DNAJC1: variants seen among roughly 807,000 people sequenced by gnomAD.
The protein encoded by DNAJC1 is DnaJ heat shock protein family (Hsp40) member C1.
DNAJC1 carries 58 observed loss-of-function variants against 76.6 expected under a neutral mutation model. The ratio of observed to expected loss-of-function variants is 0.76; its 90% CI spans 0.61 to 0.94. DNAJC1 has a LOEUF of 0.94. DNAJC1 is among the 40% of genes least tolerant of loss of function. The probability of loss-of-function intolerance (pLI) is 0.00; values close to 1 mark genes in which losing one functional copy is unlikely to be tolerated. For synonymous variants in DNAJC1, 258 were observed against 267.9 expected, an observed-to-expected ratio of 0.96 and a Z score of 0.36; for missense variants, 689 against 677.3, an observed-to-expected ratio of 1.02 and a Z score of -0.19.
chr10:21,900,369 A>T (rs1055839990), intron 7 of DNAJC1, among the ~76,000 whole-genome samples: 3 of 151,958 alleles, frequency 2.0e-5, no homozygotes, highest in Non-Finnish European at 4.4e-5. Flanking sequence ...AGAAAAAAAA[A>T]GATAAAGAAA....
intron 8 of DNAJC1, among the ~76,000 whole-genome samples, chr10:21,818,214 C>G (rs1835105144): frequency 6.6e-6 from 1 of 152,106 alleles, no homozygotes; most frequent in Non-Finnish European, 1.5e-5. Context: ...CTAAAATGGC[C>G]CCCTTAGGTG....
intron 7 of DNAJC1, among the ~76,000 whole-genome samples, chr10:21,897,274 T>C (rs965237694): frequency 2.0e-5 from 3 of 152,156 alleles, no homozygotes; most frequent in African/African-American, 7.2e-5. Flanking sequence ...CAAGTATGCA[T>C]AGCTGGTTCA....
intron 9 of DNAJC1, among the ~76,000 whole-genome samples, chr10:21,769,543 T>G (rs963728209): frequency 1.3e-5 from 2 of 152,200 alleles, no homozygotes; most frequent in Admixed American, 1.3e-4. Flanking sequence ...ATCCAAATCT[T>G]TCATTTTATA....
chr10:21,857,215 G>C (rs1342914308), intron 8 of DNAJC1, among the ~76,000 whole-genome samples: 2 of 152,050 alleles, frequency 1.3e-5, no homozygotes, highest in Admixed American at 1.3e-4. Context: ...AAATGAAGAG[G>C]GTTTGGCATA....
In DNAJC1 at chr10:22,003,315, G is replaced by A. The variant is rs1838556781; in HGVS notation, c.120C>T (p.Ala40=). The change falls in exon 1 of 12, where the codon GCC becomes GCT. Residue 40 remains alanine (A), a synonymous_variant. Coordinates refer to ENST00000376980, the MANE Select transcript of DNAJC1 (RefSeq NM_022365.4). ...PLLWLLLLLL[A]AVAPARGWES... ...CCCAGCCGCGCGCCGGCGCCACGGC[G>A]GCCAGCAGCAGCAGCAGCAGCCACA... The A allele has an allele frequency of 2.0e-6, 3 of 1,523,322 alleles. No homozygotes were observed. In the East Asian group the frequency reaches 8.1e-5, roughly 41 times the overall value. The allele number at this position is 1,523,322 out of a possible 1,614,324, so 94.4% of individuals were successfully genotyped here. A position where few individuals can be genotyped will look rare whatever the true frequency, so the allele number is the denominator to read the frequency against.
intron 8 of DNAJC1, among the ~76,000 whole-genome samples, chr10:21,827,918 C>A (rs146278467): frequency 2.0e-5 from 3 of 152,170 alleles, no homozygotes; most frequent in East Asian, 1.9e-4. Flanking sequence ...TTAAATAATT[C>A]TTTGCTTATA....
At chr10:21,790,010 T>TAAAAAAAAAAAAAAAA (rs35639440) in intron 9 of DNAJC1, among the ~76,000 whole-genome samples, 34 of 41,094 alleles carry the variant, frequency 8.3e-4, no homozygotes, top group African/African-American at 1.2e-3. Context: ...GCTCTGTCTT[T>TAAAAAAAAAAAAAAAA]AAAAAAAAAA....
chr10:21,888,368 A>G (rs1836402136), intron 7 of DNAJC1, among the ~76,000 whole-genome samples: 1 of 152,214 alleles, frequency 6.6e-6, no homozygotes, highest in Non-Finnish European at 1.5e-5. Context: ...TATTTAACCT[A>G]GCAATACCAT....
chr10:21,824,033 T>C (rs1835202362), intron 8 of DNAJC1, among the ~76,000 whole-genome samples: 1 of 152,218 alleles, frequency 6.6e-6, no homozygotes, highest in South Asian at 2.1e-4. Flanking sequence ...TAGCATACAC[T>C]GCCTGACACA....
At chr10:21,823,999 T>C (rs1214764593) in intron 8 of DNAJC1, among the ~76,000 whole-genome samples, 2 of 152,146 alleles carry the variant, frequency 1.3e-5, no homozygotes, top group Non-Finnish European at 2.9e-5. Context: ...GGTAAAAACA[T>C]ATGGACAAAT....
chr10:21,941,196 T>C (rs1837404473), intron 1 of DNAJC1, among the ~76,000 whole-genome samples: 1 of 133,790 alleles, frequency 7.5e-6, no homozygotes, highest in African/African-American at 2.9e-5. Context: ...GGGAACCCGG[T>C]AGGCAGAGCT....
chr10:21,850,087 C>T (rs1488415073), intron 8 of DNAJC1, among the ~76,000 whole-genome samples: 2 of 152,160 alleles, frequency 1.3e-5, no homozygotes, highest in African/African-American at 4.8e-5. Flanking sequence ...TTAGCCACTT[C>T]TGTTTAAACA....
chr10:21,779,806 G>A (rs1042262532), intron 9 of DNAJC1, among the ~76,000 whole-genome samples: 1 of 152,142 alleles, frequency 6.6e-6, no homozygotes, highest in Non-Finnish European at 1.5e-5. Context: ...CAAGCTAAAG[G>A]AGGATGTTCG....
At chr10:21,827,424 C>T (rs932158209) in intron 8 of DNAJC1, among the ~76,000 whole-genome samples, 2 of 152,140 alleles carry the variant, frequency 1.3e-5, no homozygotes, top group Non-Finnish European at 2.9e-5. Flanking sequence ...AAAAATACCA[C>T]AAATTAAGTG....
intron 8 of DNAJC1, among the ~76,000 whole-genome samples, chr10:21,844,261 T>A (rs559875669): frequency 1.4e-5 from 2 of 147,698 alleles, no homozygotes; most frequent in Non-Finnish European, 2.9e-5. Flanking sequence ...CCACCACACC[T>A]GGCTAATTTT....
At chr10:21,806,967 A>G (rs983852730) in intron 8 of DNAJC1, among the ~76,000 whole-genome samples, 1 of 152,202 alleles carries the variant, frequency 6.6e-6, no homozygotes, top group Non-Finnish European at 1.5e-5. Flanking sequence ...GTGAGCACAG[A>G]GAAATAAATT....
intron 1 of DNAJC1, among the ~76,000 whole-genome samples, chr10:21,999,799 A>G (rs1838488130): frequency 6.6e-6 from 1 of 151,876 alleles, no homozygotes; most frequent in African/African-American, 2.4e-5. Context: ...TAGCTCCCAG[A>G]TCTCTTCTCT....
At chr10:21,956,440 ACCAT>A (rs1442206077) in intron 1 of DNAJC1, among the ~76,000 whole-genome samples, 89 of 152,074 alleles carry the variant, frequency 5.9e-4, no homozygotes, top group Non-Finnish European at 7.2e-4. Flanking sequence ...TTATTAATTA[ACCAT>A]AGGTTTGAAA....
chr10:21,969,877 G>A (rs977519333), intron 1 of DNAJC1, among the ~76,000 whole-genome samples: 1 of 152,018 alleles, frequency 6.6e-6, no homozygotes, highest in South Asian at 2.1e-4. Context: ...GCATTATGTA[G>A]GATGGAAATG....
Sources: gnomAD v4.1 joint callset for allele counts (sites outside exome capture counted in the v4.1 genomes callset) on GRCh38, gnomAD v4.1.1 for gene constraint, MANE v1.5 for transcripts, NCBI Gene and HGNC (gene_info 2026-07-23, HGNC 2026-07-21) for gene names.